Variants in KAZN observed in about 807,000 individuals in gnomAD.
KAZN encodes kazrin.
A neutral mutation model predicts 87.4 loss-of-function variants in KAZN; 40 were observed. The ratio of observed to expected loss-of-function variants is 0.46; its 90% CI spans 0.36 to 0.60. The LOEUF (loss-of-function observed/expected upper bound fraction) is 0.60, where lower values mean the gene tolerates loss of function less well. Among genes scored for constraint, KAZN ranks in the 20% least tolerant of loss-of-function variants. The pLI is 0.00. For missense variants in KAZN, 898 were observed against 1,073.9 expected (o/e 0.84, Z 2.29); for synonymous variants, 466 against 458.3 (o/e 1.02, Z -0.22).
At chr1:14,942,992 CGTGTGTGTGTGTGTGGTGTGTGTGT>C (rs1379447843) in intron 1 of KAZN, among the ~76,000 whole-genome samples, 1 of 117,648 alleles carries the variant, frequency 8.5e-6, no homozygotes, top group Non-Finnish European at 1.7e-5. Flanking sequence ...ATGTGAGCTG[CGTGTGTGTGTGTGTGGTGTGTGTGT>C]GTGTGTGTGT....
At chr1:14,235,573 T>C (rs1227167321) in intron 2 of KAZN, among the ~76,000 whole-genome samples, 4 of 152,212 alleles carry the variant, frequency 2.6e-5, no homozygotes, top group Non-Finnish European at 4.4e-5. Flanking sequence ...TAAAAACGTC[T>C]GATTTGTCAC....
At chr1:15,013,583 G>A (rs1256956222) in intron 2 of KAZN, among the ~76,000 whole-genome samples, 3 of 151,894 alleles carry the variant, frequency 2.0e-5, no homozygotes. Context: ...GTGAAACCCC[G>A]TCTCTATTAA....
chr1:14,344,773 G>C (rs1263419869), intron 2 of KAZN, among the ~76,000 whole-genome samples: 1 of 151,952 alleles, frequency 6.6e-6, no homozygotes, highest in African/African-American at 2.4e-5. Context: ...TTGTCAATAG[G>C]GTCTCTACTA....
rs1200788706 is a variant in KAZN at position 14,388,915 on chromosome 1, C to A, written c.249+208323C>A. On this transcript the variant is annotated intron_variant, in intron 2 of 16. Coordinates refer to the KAZN transcript ENST00000636203. ...ACAATCAACAAAGTGAATAGAAAAC[C>A]CACAGAATGAGATAAAATATTTCAA... Among the ~76,000 whole-genome samples, 4 of 151,952 alleles carry A rather than the reference C, an allele frequency of 2.6e-5. No individual in the cohort carries two copies. In the East Asian group the frequency reaches 5.8e-4, roughly 22 times the overall value.
At chr1:13,982,437 C>T (rs10927979) in intron 1 of KAZN, among the ~76,000 whole-genome samples, 1 of 152,160 alleles carries the variant, frequency 6.6e-6, no homozygotes, top group East Asian at 1.9e-4. Flanking sequence ...GACTTTCGCG[C>T]TGAGTGTTAC....
intron 1 of KAZN, among the ~76,000 whole-genome samples, chr1:14,070,150 A>C (rs1327551181): frequency 7.9e-6 from 1 of 126,756 alleles, no homozygotes; most frequent in East Asian, 2.7e-4. Context: ...GCTTGGCGAC[A>C]GTGCGAGACT....
intron 3 of KAZN, among the ~76,000 whole-genome samples, chr1:15,040,278 G>A (rs530661727): frequency 1.3e-4 from 20 of 152,334 alleles, no homozygotes; most frequent in South Asian, 2.1e-4. Context: ...CAGGATGACT[G>A]GAACCCTCAG....
chr1:14,377,425 G>A (rs1015716151), intron 2 of KAZN, among the ~76,000 whole-genome samples: 2 of 152,312 alleles, frequency 1.3e-5, no homozygotes, highest in East Asian at 1.9e-4. Flanking sequence ...CAAAGAAAAT[G>A]TTCTCCATGG....
intron 1 of KAZN, among the ~76,000 whole-genome samples, chr1:14,733,529 G>A (rs564225799): frequency 9.2e-5 from 14 of 152,218 alleles, no homozygotes; most frequent in Admixed American, 3.3e-4. Context: ...CTTCAGAGTC[G>A]GGCAGAGATG....
chr1:15,010,386 C>CTTTTT (rs34697316), intron 2 of KAZN, among the ~76,000 whole-genome samples: 3 of 78,218 alleles, frequency 3.8e-5, no homozygotes, highest in Non-Finnish European at 4.8e-5. Flanking sequence ...GGTTGTCTTG[C>CTTTTT]TTTTTTTTTT....
At chr1:14,525,681 G>GA (rs70997157) in intron 2 of KAZN, among the ~76,000 whole-genome samples, 26,373 of 151,796 alleles carry the variant, frequency 0.17, 2,554 homozygotes, top group Non-Finnish European at 0.21. Flanking sequence ...TTTCCCATAG[G>GA]AAAAAAAATG....
chr1:15,033,213 C>T (rs978027603), intron 2 of KAZN, among the ~76,000 whole-genome samples: 4 of 152,094 alleles, frequency 2.6e-5, no homozygotes, highest in Non-Finnish European at 5.9e-5. Context: ...ACAGGGAGTT[C>T]GGGAACCAAT....
At chr1:15,054,651 C>CAA (rs1228132414) in intron 4 of KAZN, among the ~76,000 whole-genome samples, 3 of 114,994 alleles carry the variant, frequency 2.6e-5, no homozygotes, top group Non-Finnish European at 5.7e-5. Context: ...GACTCCATCT[C>CAA]AAAAAAAAAA....
chr1:14,668,153 G>C (rs140634753), intron 1 of KAZN, among the ~76,000 whole-genome samples: 89 of 152,294 alleles, frequency 5.8e-4, no homozygotes, highest in African/African-American at 2.0e-3. Context: ...AGGAAAATGA[G>C]AGGGAAATGA....
intron 2 of KAZN, among the ~76,000 whole-genome samples, chr1:14,329,838 CAGTA>C: frequency 6.6e-6 from 1 of 152,326 alleles, no homozygotes; most frequent in African/African-American, 2.4e-5. Flanking sequence ...ATTCATTGCT[CAGTA>C]AGTGTTGGTC....
At chr1:14,776,143 G>A (rs1054423943) in intron 1 of KAZN, among the ~76,000 whole-genome samples, 4 of 152,156 alleles carry the variant, frequency 2.6e-5, no homozygotes, top group African/African-American at 9.7e-5. Flanking sequence ...CCAAGTAGCT[G>A]GGATTACAGG....
At chr1:14,575,079 T>C (rs1675097980) in intron 2 of KAZN, among the ~76,000 whole-genome samples, 1 of 152,090 alleles carries the variant, frequency 6.6e-6, no homozygotes, top group Non-Finnish European at 1.5e-5. Flanking sequence ...CACGAAGGAA[T>C]TTAGGCTTAA....
intron 1 of KAZN, among the ~76,000 whole-genome samples, chr1:14,098,199 C>G (rs750640807): frequency 1.6e-4 from 24 of 152,140 alleles, no homozygotes; most frequent in Non-Finnish European, 3.1e-4. Flanking sequence ...CCTTCTGACT[C>G]AAGTGTCTTC....
chr1:14,405,300 G>A (rs1663745323), intron 2 of KAZN, among the ~76,000 whole-genome samples: 1 of 152,152 alleles, frequency 6.6e-6, no homozygotes, highest in African/African-American at 2.4e-5. Context: ...TATTAGAATT[G>A]GTTGTATGCC....
Sources: gnomAD v4.1 joint callset for allele counts (sites outside exome capture counted in the v4.1 genomes callset) on GRCh38, gnomAD v4.1.1 for gene constraint, MANE v1.5 for transcripts, NCBI Gene and HGNC (gene_info 2026-07-23, HGNC 2026-07-21) for gene names.